Variants in CFAP54 observed in about 807,000 individuals in gnomAD.
CFAP54 encodes the protein cilia and flagella associated protein 54, also known as cilia- and flagella-associated protein 54.
A neutral mutation model predicts 370.4 loss-of-function variants in CFAP54; 290 were observed. The ratio of observed to expected loss-of-function variants is 0.78; its 90% CI spans 0.71 to 0.86. The LOEUF is 0.86. Among genes scored for constraint, CFAP54 ranks in the 40% least tolerant of loss-of-function variants. The pLI is 0.00. For synonymous variants in CFAP54, 1,206 were observed against 1,236.5 expected (o/e 0.98, Z 0.52); for missense variants, 3,399 against 3,528.7 (o/e 0.96, Z 0.93).
chr12:96,635,837 G>A (rs1466503089), intron 32 of CFAP54, among the ~76,000 whole-genome samples: 1 of 152,196 alleles, frequency 6.6e-6, no homozygotes, highest in East Asian at 1.9e-4. Context: ...TACATACCAA[G>A]GGCAAAGTCC....
In CFAP54 at chr12:96,520,175, T is replaced by C. The variant is rs542528743; in HGVS notation, c.942+1104T>C. Among the ~76,000 whole-genome samples, 4 of 152,292 alleles carry C rather than the reference T, an allele frequency of 2.6e-5. No homozygotes were observed. The East Asian group carries it at 7.7e-4, about 29-fold the overall frequency. On this transcript the variant is annotated intron_variant, in intron 6 of 67. Transcript: ENST00000524981. ...TATGCCAAGCTAATTGAATACACTT[T>C]CTAATGACCATTTAATACACTCTAT...
intron 57 of CFAP54, among the ~76,000 whole-genome samples, chr12:96,756,851 A>T (rs1230252494): frequency 4.6e-5 from 7 of 152,062 alleles, no homozygotes; most frequent in African/African-American, 9.7e-5. Flanking sequence ...AAACTGGAAG[A>T]TCCTTCCCTA....
chr12:96,828,966 G>C, intron 65 of CFAP54, 48 bp from the exon 66 acceptor site: 1 of 959,310 alleles, frequency 1.0e-6, no homozygotes, highest in South Asian at 1.6e-5. Context: ...TAATATTTAG[G>C]TTTCTAATAA....
At position 96,865,934 on chromosome 12, in the gene CFAP54, ATAG is replaced by A. The variant is rs1959995692; in HGVS notation, c.*14+4986_*14+4988del. On this transcript the variant is annotated intron_variant, in intron 67 of 67. Transcript: ENST00000524981. ...TGAAACTATTAAATTTCAATATAAG[ATAG>A]TAGAGCCTTAATAAATGTTTAATTA... Among the ~76,000 whole-genome samples the A allele has an allele frequency of 3.9e-5, 6 of 152,252 alleles. No homozygotes were observed. In the South Asian group the frequency reaches 1.2e-3, roughly 32 times the overall value.
In CFAP54 at chr12:96,756,571, GATAT is replaced by G; in HGVS notation, c.7946+9_7946+12del. 6.5e-7 allele frequency: 1 copy of G among 1,546,364 alleles called. No homozygotes were observed. Among genetic ancestry groups the G allele is most frequent in the Non-Finnish European group, 8.9e-7 (1 of 1,122,302 alleles). Reference sequence around the variant, plus strand: ...AAATGATCAAAACTCAGGGTAAAAAGATATTCCATTGTTGTAGCTGTGTGTGTTT... The same window carrying G: ...AAATGATCAAAACTCAGGGTAAAAAGTCCATTGTTGTAGCTGTGTGTGTTT... On this transcript the variant is annotated intron_variant, in intron 57 of 67. Coordinates refer to ENST00000524981, the MANE Select transcript of CFAP54 (RefSeq NM_001306084.2).
chr12:96,742,586 G>A lies in CFAP54; in HGVS notation c.7219G>A (p.Glu2407Lys), dbSNP rs759161826. ...AQIHGIGIVKEDDMTDCLSLI... is the reference protein window; with the variant it reads ...AQIHGIGIVKKDDMTDCLSLI... ...GATTCATGGCATTGGAATTGTGAAA[G>A]GTACAAACATTTGCTTAATCAATGT... The change falls in exon 52 of 68, where the codon GAG (glutamate) becomes AAG (lysine). Residue 2407 changes from glutamate to lysine, a missense_variant and splice_region_variant. Glu to Lys is a moderately conservative substitution (Grantham distance 56). This residue lies in a region of CFAP54 where 2,796 missense variants were observed against 2,869.7 expected (regional missense o/e 0.97). Transcript: ENST00000524981. 2 of 1,609,166 alleles carry A rather than the reference G, an allele frequency of 1.2e-6. No homozygotes were observed. The highest frequency in any genetic ancestry group is 1.7e-6 in the Non-Finnish European group (2 of 1,178,094).
At position 96,765,216 on chromosome 12, in the gene CFAP54, T is replaced by G; in HGVS notation, c.8279T>G (p.Leu2760Arg). ...DLLSSYTDYL[L>R]DNYQVLFQTS... ...TTGTCTTCGTATACAGATTATTTGC[T>G]TGGTATGTTTGGATGTCTACATATT... Residue 2760 changes from leucine to arginine, a missense_variant and splice_region_variant, in exon 60 of 68, where the codon CTT becomes CGT. By Grantham distance (102) the Leu-to-Arg change is moderately radical. This residue lies in a region of CFAP54 where 2,796 missense variants were observed against 2,869.7 expected (regional missense o/e 0.97). Coordinates refer to ENST00000524981, the MANE Select transcript of CFAP54 (RefSeq NM_001306084.2). 6.6e-7 allele frequency: 1 copy of G among 1,504,652 alleles called. No individual in the cohort carries two copies. Among genetic ancestry groups the G allele is most frequent in the South Asian group, 1.4e-5 (1 of 70,772 alleles). 93.2% of individuals were successfully genotyped at this position (1,504,652 alleles called of 1,614,324 possible).
chr12:96,592,671 A>AT (rs2136435652), intron 24 of CFAP54, 34 bp downstream of exon 24: 1 of 718,626 alleles, frequency 1.4e-6, no homozygotes. Flanking sequence ...AACATGTCAG[A>AT]TTCACTGTAT....
At chr12:96,752,133 A>AGAGAGAGAGAGAGAGAG (rs1671757016) in intron 55 of CFAP54, among the ~76,000 whole-genome samples, 5 of 129,408 alleles carry the variant, frequency 3.9e-5, no homozygotes, top group South Asian at 2.6e-4. Context: ...AGAGAGAGAG[A>AGAGAGAGAGAGAGAGAG]TTGAGGCTGT....
At chr12:96,849,090 T>C (rs544956013) in intron 66 of CFAP54, among the ~76,000 whole-genome samples, 2 of 152,362 alleles carry the variant, frequency 1.3e-5, no homozygotes, top group African/African-American at 4.8e-5. Flanking sequence ...TTATCCTTTC[T>C]ACTTTAGAAT....
intron 23 of CFAP54, among the ~76,000 whole-genome samples, chr12:96,591,667 A>T (rs1228656158): frequency 6.6e-6 from 1 of 152,170 alleles, no homozygotes; most frequent in South Asian, 2.1e-4. Flanking sequence ...AGACGGGCGG[A>T]TCACGAGGTC....
chr12:96,792,234 A>G, intron 62 of CFAP54, 95 bp from the exon 63 acceptor site: 1 of 1,071,940 alleles, frequency 9.3e-7, no homozygotes, highest in Non-Finnish European at 1.3e-6. Flanking sequence ...AGCTGAGACA[A>G]TCCCAGAATT....
intron 60 of CFAP54, among the ~76,000 whole-genome samples, chr12:96,776,224 AT>A (rs1408391883): frequency 6.6e-6 from 1 of 151,938 alleles, no homozygotes; most frequent in Non-Finnish European, 1.5e-5. Flanking sequence ...ATTTTTAAAG[AT>A]TTTTTTGGTT....
chr12:96,521,784 CA>C (rs529674472), intron 6 of CFAP54, 72 bp from the exon 7 acceptor site: 969 of 1,161,528 alleles, frequency 8.3e-4, no homozygotes, highest in Non-Finnish European at 9.8e-4. Flanking sequence ...CCTGGGAGAA[CA>C]AAACATTGTC....
chr12:96,578,569 C>A (rs996641536), intron 20 of CFAP54, among the ~76,000 whole-genome samples: 3 of 152,226 alleles, frequency 2.0e-5, no homozygotes, highest in South Asian at 2.1e-4. Context: ...TATTTCATTT[C>A]ATAATTCTTG....
chr12:96,703,100 A>G (rs1033933033), intron 46 of CFAP54, among the ~76,000 whole-genome samples: 6 of 152,194 alleles, frequency 3.9e-5, no homozygotes, highest in African/African-American at 1.2e-4. Context: ...TAAAACACCA[A>G]TACTTTTTCA....
intron 50 of CFAP54, among the ~76,000 whole-genome samples, chr12:96,723,471 A>G (rs1957783658): frequency 6.6e-6 from 1 of 152,094 alleles, no homozygotes; most frequent in Admixed American, 6.6e-5. Flanking sequence ...GAATGGAGTG[A>G]CCAACTGTGC....
rs1460149558 is a variant in CFAP54, at chr12:96,792,398, A to C, written c.8749A>C (p.Ile2917Leu). 8.5e-6 allele frequency: 13 copies of C among 1,535,822 alleles called. No individual in the cohort carries two copies. The highest frequency in any genetic ancestry group is 1.1e-5 in the Non-Finnish European group (13 of 1,146,770). Residue 2917 changes from isoleucine to leucine, a missense_variant, in exon 63 of 68, where the codon ATA becomes CTA. This residue lies in a region of CFAP54 where 2,796 missense variants were observed against 2,869.7 expected (regional missense o/e 0.97). Transcript: ENST00000524981. ...KPVSGSSCVDITPIEMVTQAS... is the reference protein window; with the variant it reads ...KPVSGSSCVDLTPIEMVTQAS... ...TGTTTCAGGCTCATCTTGTGTGGAC[A>C]TAACGCCAATAGAAATGGTAACGCA...
intron 62 of CFAP54, among the ~76,000 whole-genome samples, chr12:96,789,096 T>C (rs1370709889): frequency 6.6e-6 from 1 of 152,220 alleles, no homozygotes; most frequent in Non-Finnish European, 1.5e-5. Flanking sequence ...TAGACAGATT[T>C]TCCAATCTGG....
Sources: gnomAD v4.1 joint callset for allele counts (sites outside exome capture counted in the v4.1 genomes callset) on GRCh38, gnomAD v4.1.1 for gene constraint, gnomAD v4.1.1 regional missense constraint, MANE v1.5 for transcripts, NCBI Gene and HGNC (gene_info 2026-07-23, HGNC 2026-07-21) for gene names.